EXPH5: variants seen among roughly 807,000 people sequenced by gnomAD.
The protein encoded by EXPH5 is exophilin 5, also known as exophilin-5.
EXPH5 carries 42 observed loss-of-function variants against 41.1 expected under a neutral mutation model. That is an observed-to-expected ratio of 1.02 (90% CI 0.80 to 1.32). The LOEUF (loss-of-function observed/expected upper bound fraction) is 1.32. EXPH5 is among the 40% of genes most tolerant of loss of function. EXPH5 has a pLI of 0.00. For synonymous variants in EXPH5, 798 were observed against 833.5 expected (o/e 0.96, Z 0.73); for missense variants, 2,298 against 2,314.5 (o/e 0.99, Z 0.15).
rs769866180 is a variant in EXPH5, at chr11:108,512,697, A to C, written c.2810T>G (p.Val937Gly). Reference protein sequence around the residue: ...AGKNQKNQFIVSHSENQERND... With the variant: ...AGKNQKNQFIGSHSENQERND... ...TCTCTCTTGGTTTTCTGAGTGGCTTACAATAAACTGATTCTTTTGGTTCTT... is the reference window on the plus strand; with the variant it reads ...TCTCTCTTGGTTTTCTGAGTGGCTTCCAATAAACTGATTCTTTTGGTTCTT... The change falls in exon 6 of 6, where the codon GTA becomes GGA. Residue 937 changes from valine (V) to glycine (G), a missense_variant. Transcript: ENST00000265843. 8 of 1,614,128 alleles carry C rather than the reference A, an allele frequency of 5.0e-6. No homozygotes were observed. The East Asian group carries it at 1.8e-4, about 36-fold the overall frequency.
intron 1 of EXPH5, among the ~76,000 whole-genome samples, chr11:108,586,751 G>T (rs34605660): frequency 0.054 from 8,103 of 150,698 alleles, 311 homozygotes; most frequent in Middle Eastern, 0.085. Flanking sequence ...CTTTTTGTTG[G>T]GGTGCAGAGA....
chr11:108,545,564 T>C (rs548343439), intron 1 of EXPH5, among the ~76,000 whole-genome samples: 46 of 152,112 alleles, frequency 3.0e-4, no homozygotes, highest in African/African-American at 1.1e-3. Context: ...CTTCATGGGA[T>C]TTAAATTCTG....
Position 108,513,155 on chromosome 11 carries a change from C to T in EXPH5, c.2352G>A (p.Pro784=), listed in dbSNP as rs367982814. 3.3e-5 allele frequency: 54 copies of T among 1,613,568 alleles called. No homozygotes were observed. Among genetic ancestry groups the T allele is most frequent in the African/African-American group, 6.7e-5 (5 of 74,794 alleles). Reference sequence around the variant, plus strand: ...TAATGTCATTGGATTTATCTGTGTGCGGTATATACATTTTGGAGGTATCTT... The same window carrying T: ...TAATGTCATTGGATTTATCTGTGTGTGGTATATACATTTTGGAGGTATCTT... ...SRKDTSKMYI[P]HTDKSNDIKQ... Residue 784 remains proline (P), a synonymous_variant, in exon 6 of 6, where the codon CCG becomes CCA. Coordinates refer to ENST00000265843, the MANE Select transcript of EXPH5 (RefSeq NM_015065.3).
At position 108,510,094 on chromosome 11, in the gene EXPH5, C is replaced by A; in HGVS notation, c.5413G>T (p.Asp1805Tyr). 2 of 1,612,372 alleles carry A rather than the reference C, an allele frequency of 1.2e-6. No homozygotes were observed. The highest frequency in any genetic ancestry group is 1.7e-6 in the Non-Finnish European group (2 of 1,179,522). The change falls in exon 6 of 6, where the codon GAT becomes TAT. Residue 1805 changes from aspartate to tyrosine, a missense_variant. Transcript: ENST00000265843. ...KSLKSINVHG[D>Y]LLRKSHPPKV... ...GGAGGATGGCTTTTTCGTAGTAGAT[C>A]GCCATGAACATTAATGCTTTTTAAA...
chr11:108,511,599 C>T lies in EXPH5; in HGVS notation c.3908G>A (p.Arg1303Gln), dbSNP rs763421835. 8.7e-6 allele frequency: 14 copies of T among 1,613,220 alleles called. No individual in the cohort carries two copies. Among genetic ancestry groups the T allele is most frequent in the Admixed American group, 5.0e-5 (3 of 59,798 alleles). The change falls in exon 6 of 6, where the codon CGA becomes CAA. Residue 1303 changes from arginine (R) to glutamine (Q), a missense_variant. By Grantham distance (43) the Arg-to-Gln change is conservative (BLOSUM62 1). Transcript: ENST00000265843. Reference sequence around the variant, plus strand: ...ACATGAAGGTGTTCCTGACTGCTCTCGTGTAGAATAATTCTGTTTGTCTTT... The same window carrying T: ...ACATGAAGGTGTTCCTGACTGCTCTTGTGTAGAATAATTCTGTTTGTCTTT... ...LEKDKQNYST[R>Q]EQSGTPSCEN... is the part of the protein sequence containing the mutation.
At chr11:108,595,655 T>A (rs1037730805), upstream of EXPH5, among the ~76,000 whole-genome samples, 1 of 152,226 alleles carries the variant, frequency 6.6e-6, no homozygotes, top group Admixed American at 6.5e-5. Flanking sequence ...CTACACATGA[T>A]ACACAGATAC....
At chr11:108,561,079 G>T (rs1214289298) in intron 1 of EXPH5, among the ~76,000 whole-genome samples, 2 of 152,256 alleles carry the variant, frequency 1.3e-5, no homozygotes, top group Middle Eastern at 3.4e-3. Context: ...ATGTGTCTCA[G>T]TGCATCAAGA....
At chr11:108,543,752 C>T (rs1286618726) in intron 1 of EXPH5, among the ~76,000 whole-genome samples, 1 of 152,194 alleles carries the variant, frequency 6.6e-6, no homozygotes, top group Non-Finnish European at 1.5e-5. Flanking sequence ...AGCCAGAGGT[C>T]ACCCTGCCCA....
the EXPH5 span, among the ~76,000 whole-genome samples, chr11:108,605,543 C>T: frequency 2.6e-5 from 4 of 152,132 alleles, no homozygotes; most frequent in African/African-American, 9.7e-5. Flanking sequence ...GCTAAATATC[C>T]TACATTATAC....
rs7116625 is a variant in EXPH5 at position 108,529,671 on chromosome 11, C to T, written c.444-1487G>A. On this transcript the variant is annotated intron_variant, in intron 3 of 5. Transcript: ENST00000265843. ...ACCAGCCTGACCAACATGGTGAAAC[C>T]GTGTCTCTACTAAAAATACAAAATT... is the stretch of plus-strand genomic sequence containing the variant. Among the ~76,000 whole-genome samples, 1,130 of 151,988 alleles carry T rather than the reference C, an allele frequency of 7.4e-3. 16 individuals are homozygous for T. Among genetic ancestry groups the T allele is most frequent in the African/African-American group, 0.025 (1,052 of 41,506 alleles).
chr11:108,558,135 G>T (rs1165196200), intron 1 of EXPH5, among the ~76,000 whole-genome samples: 1 of 152,050 alleles, frequency 6.6e-6, no homozygotes, highest in Non-Finnish European at 1.5e-5. Context: ...TAGAGATGGG[G>T]TTTCACCATG....
rs115288281 is a variant in EXPH5 at position 108,536,076 on chromosome 11, C to T, written c.443+2948G>A. On this transcript the variant is annotated intron_variant, in intron 3 of 5. Transcript: ENST00000265843. ...AGATGTTGAGGGAAAGCTACATGTA[C>T]ATATGTATACTTTTCTTGGATTTAT... 3.9e-3 allele frequency among the ~76,000 whole-genome samples: 598 copies of T among 152,276 alleles called. 5 individuals are homozygous for T. Among genetic ancestry groups the T allele is most frequent in the African/African-American group, 0.014 (564 of 41,546 alleles).
the EXPH5 span, among the ~76,000 whole-genome samples, chr11:108,598,771 AGAG>A: frequency 1.3e-5 from 2 of 152,180 alleles, no homozygotes; most frequent in South Asian, 4.1e-4. Flanking sequence ...AATATCCAGA[AGAG>A]GGACATAAAA....
At position 108,551,615 on chromosome 11, in the gene EXPH5, T is replaced by C. The variant is rs114049917; in HGVS notation, c.120-9803A>G. On this transcript the variant is annotated intron_variant, in intron 1 of 5. Transcript: ENST00000265843. ...GCTGATCTTCGCGGACCTGACCGTC[T>C]TGTTACACCTCGTTCTCCTTCCAGG... Among the ~76,000 whole-genome samples the C allele has an allele frequency of 7.9e-3, 1,201 of 152,234 alleles. 18 individuals are homozygous for C. The highest frequency in any genetic ancestry group is 0.027 in the African/African-American group (1,127 of 41,516).
At position 108,513,657 on chromosome 11, in the gene EXPH5, A is replaced by G. The variant is rs774428638; in HGVS notation, c.1850T>C (p.Phe617Ser). 1 of 1,611,198 alleles carries G rather than the reference A, an allele frequency of 6.2e-7. No individual in the cohort carries two copies. The highest frequency in any genetic ancestry group is 8.5e-7 in the Non-Finnish European group (1 of 1,179,074). The change falls in exon 6 of 6, where the codon TTT (phenylalanine) becomes TCT (serine). Residue 617 changes from phenylalanine (F) to serine (S), a missense_variant. By Grantham distance (155) the Phe-to-Ser change is radical. Coordinates refer to ENST00000265843, the MANE Select transcript of EXPH5 (RefSeq NM_015065.3). The stretch of plus-strand genomic sequence containing the variant: ...GGATGCTAGAGTCTGAGCAATTCCA[A>G]ATGAGGAAGCTTCTTTGTTTATATG... ...EVHINKEASS[F>S]GIAQTLASSF...
At position 108,509,354 on chromosome 11, in the gene EXPH5, C is replaced by A; in HGVS notation, c.*183G>T. 1 of 443,744 alleles carries A rather than the reference C, an allele frequency of 2.3e-6. No homozygotes were observed. The highest frequency in any genetic ancestry group is 3.4e-5 in the East Asian group (1 of 29,370). The allele number at this position is 443,744 out of a possible 1,614,324, so 27.5% of individuals were successfully genotyped here. ...CAGAGACTCTCTCAAAACAAGAATTCATTGTTCTAGCATTCAGGAAGTGTC... is the reference window on the plus strand; with the variant it reads ...CAGAGACTCTCTCAAAACAAGAATTAATTGTTCTAGCATTCAGGAAGTGTC... On this transcript the variant is annotated 3_prime_UTR_variant, in exon 6 of 6. Coordinates refer to ENST00000265843, the MANE Select transcript of EXPH5 (RefSeq NM_015065.3).
intron 5 of EXPH5, among the ~76,000 whole-genome samples, chr11:108,516,091 C>CAAA (rs2093725022): frequency 6.7e-6 from 1 of 148,434 alleles, no homozygotes; most frequent in African/African-American, 2.5e-5. Flanking sequence ...AAAAAAAAAC[C>CAAA]AGAAAAAAAA....
intron 4 of EXPH5, among the ~76,000 whole-genome samples, chr11:108,527,756 A>T (rs2093809679): frequency 6.6e-6 from 1 of 152,202 alleles, no homozygotes; most frequent in Non-Finnish European, 1.5e-5. Context: ...CTCTTTGAGT[A>T]CAAATGATAA....
Position 108,513,674 on chromosome 11 carries a change from G to A in EXPH5, c.1833C>T (p.Asn611=). 1 of 1,612,204 alleles carries A rather than the reference G, an allele frequency of 6.2e-7. No homozygotes were observed. Among genetic ancestry groups the A allele is most frequent in the Non-Finnish European group, 8.5e-7 (1 of 1,179,374 alleles). The part of the protein sequence containing the change: ...QDSSPVEVHI[N]KEASSFGIAQ... Reference sequence around the variant, plus strand: ...CAATTCCAAATGAGGAAGCTTCTTTGTTTATATGTACTTCTACAGGAGAAC... The same window carrying A: ...CAATTCCAAATGAGGAAGCTTCTTTATTTATATGTACTTCTACAGGAGAAC... Residue 611 remains asparagine (N), a synonymous_variant, in exon 6 of 6, where the codon AAC becomes AAT. Transcript: ENST00000265843.
Sources: allele counts gnomAD v4.1 joint callset (sites outside exome capture counted in the v4.1 genomes callset), GRCh38; gene constraint gnomAD v4.1.1; transcripts MANE v1.5; gene names NCBI Gene and HGNC (gene_info 2026-07-23, HGNC 2026-07-21).